Variants in LHX8 observed in about 807,000 individuals in gnomAD.
LHX8 encodes the protein LIM/homeobox protein Lhx8.
LHX8 carries 12 observed loss-of-function variants against 40.3 expected under a neutral mutation model. That is an observed-to-expected ratio of 0.30 (90% CI 0.19 to 0.48). The LOEUF (loss-of-function observed/expected upper bound fraction) is 0.48, where lower values mean the gene tolerates loss of function less well. Among genes scored for constraint, LHX8 ranks in the 20% least tolerant of loss-of-function variants. The probability of loss-of-function intolerance (pLI) is 0.99; values close to 1 mark genes in which losing one functional copy is unlikely to be tolerated. For synonymous variants in LHX8, 179 were observed against 162.0 expected (o/e 1.10, Z -0.80); for missense variants, 344 against 433.7 (o/e 0.79, Z 1.84).
chr1:75,185,125 CA>C, the LHX8 span, among the ~76,000 whole-genome samples: 5 of 148,278 alleles, frequency 3.4e-5, no homozygotes, highest in African/African-American at 1.2e-4. Flanking sequence ...GCCTACTAGC[CA>C]AAAAAAAAGC....
At chr1:75,136,498 C>T in intron 1 of LHX8, 105 bp from the exon 2 acceptor site, 3 of 874,650 alleles carry the variant, frequency 3.4e-6, no homozygotes, top group Non-Finnish European at 5.5e-6. Flanking sequence ...GCCCCGCACT[C>T]TGAGGGCCTT....
the LHX8 span, among the ~76,000 whole-genome samples, chr1:75,177,999 C>G: frequency 1.3e-5 from 2 of 152,132 alleles, no homozygotes; most frequent in Non-Finnish European, 1.5e-5. Context: ...ATATGTTGAA[C>G]CAGCCTTGCA....
At chr1:75,197,158 G>A in the LHX8 span, among the ~76,000 whole-genome samples, 1 of 152,072 alleles carries the variant, frequency 6.6e-6, no homozygotes, top group African/African-American at 2.4e-5. Context: ...GTATTAATTA[G>A]GAAAACACAG....
chr1:75,168,142 G>T, the LHX8 span, among the ~76,000 whole-genome samples: 10 of 152,228 alleles, frequency 6.6e-5, no homozygotes, highest in Non-Finnish European at 1.5e-4. Context: ...CGCAGTAGCT[G>T]TCTAGGCCAT....
the LHX8 span, among the ~76,000 whole-genome samples, chr1:75,196,153 C>T: frequency 6.6e-6 from 1 of 151,740 alleles, no homozygotes; most frequent in Non-Finnish European, 1.5e-5. Flanking sequence ...TTTTTTCCCT[C>T]AAATCTGAGG....
the LHX8 span, among the ~76,000 whole-genome samples, chr1:75,168,644 T>G: frequency 6.6e-6 from 1 of 152,142 alleles, no homozygotes; most frequent in Non-Finnish European, 1.5e-5. Flanking sequence ...CTGGGAGCTT[T>G]TCCTGTTCTG....
chr1:75,158,660 T>G (rs982540644), intron 8 of LHX8, among the ~76,000 whole-genome samples: 1 of 152,204 alleles, frequency 6.6e-6, no homozygotes, highest in African/African-American at 2.4e-5. Flanking sequence ...ATAAATCAAA[T>G]GTCCGTATGT....
upstream of LHX8, among the ~76,000 whole-genome samples, chr1:75,129,483 G>A (rs183997291): frequency 7.2e-5 from 11 of 152,276 alleles, no homozygotes; most frequent in Admixed American, 7.2e-4. Context: ...CACCGGAGGT[G>A]GAAGTGTTGC....
At chr1:75,190,093 G>T in the LHX8 span, among the ~76,000 whole-genome samples, 1 of 152,122 alleles carries the variant, frequency 6.6e-6, no homozygotes, top group South Asian at 2.1e-4. Context: ...GGAAATATTT[G>T]AGCTGAACAC....
At chr1:75,196,392 G>T in the LHX8 span, among the ~76,000 whole-genome samples, 1 of 152,090 alleles carries the variant, frequency 6.6e-6, no homozygotes, top group Admixed American at 6.6e-5. Flanking sequence ...GGTGGTACTG[G>T]CAGGAATTTC....
chr1:75,132,783 ACACACT>A (rs1160097076), upstream of LHX8: 5 of 152,394 alleles, frequency 3.3e-5, no homozygotes, highest in African/African-American at 4.8e-5. Flanking sequence ...ACACACACAC[ACACACT>A]GTAATTAAAT....
the LHX8 span, among the ~76,000 whole-genome samples, chr1:75,190,820 G>A: frequency 6.6e-6 from 1 of 151,918 alleles, no homozygotes; most frequent in East Asian, 1.9e-4. Flanking sequence ...ATCCTCTTTG[G>A]GGAAGATAAT....
chr1:75,134,111 T>A (rs1351112535), upstream of LHX8, among the ~76,000 whole-genome samples: 1 of 152,066 alleles, frequency 6.6e-6, no homozygotes, highest in Non-Finnish European at 1.5e-5. Context: ...GGAGCGAGAA[T>A]TTAAAAGTTA....
At chr1:75,167,945 CAT>C in the LHX8 span, among the ~76,000 whole-genome samples, 13 of 152,170 alleles carry the variant, frequency 8.5e-5, no homozygotes, top group African/African-American at 3.1e-4. Context: ...CAGCCAAACA[CAT>C]GTTTTTATCT....
chr1:75,136,882 C>A (rs1648157296), intron 2 of LHX8, among the ~76,000 whole-genome samples, 193 bp downstream of exon 2: 1 of 151,472 alleles, frequency 6.6e-6, no homozygotes, highest in Non-Finnish European at 1.5e-5. Context: ...CGCAAGACTT[C>A]TGGGGTCCGA....
rs575637923 is a variant in LHX8 at position 75,151,921 on chromosome 1, C to T, written c.780+3239C>T. 5.3e-5 allele frequency among the ~76,000 whole-genome samples: 8 copies of T among 152,220 alleles called. 1 individual carries two copies. In the South Asian group the frequency reaches 1.7e-3, roughly 32 times the overall value. ...TGAGCAAGTTAACTTTGTCCTAAGC[C>T]CTACCATTTGGAGAATATATTTTGA... On this transcript the variant is annotated intron_variant, in intron 7 of 8. Coordinates refer to ENST00000356261, the MANE Select transcript of LHX8 (RefSeq NM_001256114.2).
At chr1:75,175,357 C>T in the LHX8 span, among the ~76,000 whole-genome samples, 1 of 152,154 alleles carries the variant, frequency 6.6e-6, no homozygotes, top group Non-Finnish European at 1.5e-5. Context: ...GGTAGATGTA[C>T]TCTTAGTTCT....
chr1:75,130,696 C>T (rs200115972), upstream of LHX8: 8 of 1,613,544 alleles, frequency 5.0e-6, no homozygotes, highest in East Asian at 1.8e-4. Context: ...GTATACAGCT[C>T]TGCCATCTCT....
chr1:75,169,243 A>G, the LHX8 span, among the ~76,000 whole-genome samples: 1 of 152,262 alleles, frequency 6.6e-6, no homozygotes, highest in Admixed American at 6.5e-5. Flanking sequence ...TGGGCAGGAT[A>G]AAGTAGTGTT....
Sources: gnomAD v4.1 joint callset for allele counts (sites outside exome capture counted in the v4.1 genomes callset) on GRCh38, gnomAD v4.1.1 for gene constraint, MANE v1.5 for transcripts, NCBI Gene and HGNC (gene_info 2026-07-23, HGNC 2026-07-21) for gene names.